The following RAPGEFL1 variants were observed in gnomAD, a reference collection of about 807,000 sequenced individuals.
RAPGEFL1 encodes Rap guanine nucleotide exchange factor like 1.
Under a neutral mutation model 64.4 loss-of-function variants are expected in RAPGEFL1, and 31 were observed. The ratio of observed to expected loss-of-function variants is 0.48; its 90% CI spans 0.36 to 0.65. The LOEUF (loss-of-function observed/expected upper bound fraction) is 0.65. Among genes scored for constraint, RAPGEFL1 ranks in the 30% least tolerant of loss-of-function variants. RAPGEFL1 has a pLI of 0.00. For synonymous variants in RAPGEFL1, 331 were observed against 274.1 expected (o/e 1.21, Z -2.05); for missense variants, 682 against 677.4 (o/e 1.01, Z -0.08).
At chr17:40,189,098 CCTT>C in intron 5 of RAPGEFL1, 107 bp from the exon 6 acceptor site, 1 of 1,470,354 alleles carries the variant, frequency 6.8e-7, no homozygotes, top group Non-Finnish European at 9.5e-7. Context: ...TTTCACAGGA[CCTT>C]CTTCAGAGGC....
intron 4 of RAPGEFL1, 141 bp downstream of exon 4, chr17:40,184,819 G>T (rs1432775212): frequency 2.1e-5 from 13 of 610,132 alleles, no homozygotes; most frequent in Non-Finnish European, 3.2e-5. Context: ...TCACTTTGTC[G>T]CCTAGGCTGG....
At chr17:40,183,470 G>A (rs944763455) in intron 2 of RAPGEFL1, among the ~76,000 whole-genome samples, 11 of 151,288 alleles carry the variant, frequency 7.3e-5, no homozygotes, top group African/African-American at 2.7e-4. Flanking sequence ...CAAATCTAGA[G>A]AATACTTGGG....
chr17:40,192,935 T>C lies in RAPGEFL1; in HGVS notation c.1754T>C (p.Phe585Ser). The C allele has an allele frequency of 6.2e-7, 1 of 1,613,540 alleles. No individual in the cohort carries two copies. The highest frequency in any genetic ancestry group is 2.2e-5 in the East Asian group (1 of 44,874). ...TCTCCACATCCCCTAGACCTGACTT[T>C]CCTGCACGAAGGGAGTAAGACCCTT... ...FVPLILKDLTFLHEGSKTLVD... is the reference protein window; with the variant it reads ...FVPLILKDLTSLHEGSKTLVD... The change falls in exon 13 of 15, where the codon TTC becomes TCC. Residue 585 changes from phenylalanine to serine, a missense_variant. By Grantham distance (155) the Phe-to-Ser change is radical. Coordinates refer to ENST00000620260, the MANE Select transcript of RAPGEFL1 (RefSeq NM_016339.6).
rs148061505 is a variant in RAPGEFL1, at chr17:40,188,834, G to T, written c.834-32G>T. 2,017 of 1,572,442 alleles carry T rather than the reference G, an allele frequency of 1.3e-3. 2 individuals are homozygous for T. The highest frequency in any genetic ancestry group is 1.5e-3 in the Non-Finnish European group (1,769 of 1,142,392). ...TGTTGGTTGTCCATATGCCTGGCAG[G>T]GCGTGCTGATGCCCAGCTGTGTCCA... On this transcript the variant is annotated intron_variant, in intron 4 of 14. Coordinates refer to ENST00000620260, the MANE Select transcript of RAPGEFL1 (RefSeq NM_016339.6).
chr17:40,189,118 C>T, intron 5 of RAPGEFL1, 90 bp from the exon 6 acceptor site: 10 of 1,504,358 alleles, frequency 6.6e-6, no homozygotes, highest in Non-Finnish European at 9.2e-6. Context: ...AGGCCAGCCT[C>T]TGGTGGGGAA....
Position 40,177,900 on chromosome 17 carries a change from G to T in RAPGEFL1, c.39G>T (p.Ser13=), listed in dbSNP as rs1989764710. The T allele has an allele frequency of 9.4e-6, 4 of 425,034 alleles. No homozygotes were observed. Among genetic ancestry groups the T allele is most frequent in the Non-Finnish European group, 1.3e-5 (3 of 239,414 alleles). 26.3% of individuals were successfully genotyped at this position (425,034 alleles called of 1,614,324 possible). ...PLEKFLKKQT[S]QLAGRTVAGG... ...AGAAATTTCTGAAGAAGCAGACGTC[G>T]CAGCTGGCGGGCCGAACGGTGGCGG... The change falls in exon 1 of 15, where the codon TCG becomes TCT. Residue 13 remains serine (S), a synonymous_variant. Coordinates refer to ENST00000620260, the MANE Select transcript of RAPGEFL1 (RefSeq NM_016339.6).
Position 40,178,220 on chromosome 17 carries a change from T to G in RAPGEFL1, c.359T>G (p.Leu120Arg). The change falls in exon 1 of 15, where the codon CTG (leucine) becomes CGG (arginine). Residue 120 changes from leucine (L) to arginine (R), a missense_variant. Transcript: ENST00000620260. ...GGGCCTCTCGGGGGAGGGGGGCCCCTGCGCTCCCCTTCCTCCTACTCATCT... is the reference window on the plus strand; with the variant it reads ...GGGCCTCTCGGGGGAGGGGGGCCCCGGCGCTCCCCTTCCTCCTACTCATCT... ...GPGPLGGGGP[L>R]RSPSSYSSDE... is the part of the protein sequence containing the mutation. 1.7e-6 allele frequency: 1 copy of G among 590,578 alleles called. No individual in the cohort carries two copies. The allele number at this position is 590,578 out of a possible 1,614,324, so 36.6% of individuals were successfully genotyped here.
rs949021008 is a variant in RAPGEFL1 at position 40,191,957 on chromosome 17, T to C, written c.1606-256T>C. Reference sequence around the variant, plus strand: ...GAGTTGGGCTGATTTTCATCCACACTCAGTGGGGGCATCTTTATACAAAGC... The same window carrying C: ...GAGTTGGGCTGATTTTCATCCACACCCAGTGGGGGCATCTTTATACAAAGC... On this transcript the variant is annotated intron_variant, in intron 10 of 14. Coordinates refer to ENST00000620260, the MANE Select transcript of RAPGEFL1 (RefSeq NM_016339.6). The surrounding 1 kb of genome is among the most constrained non-coding windows in gnomAD (Gnocchi z 5.1). 1.3e-5 allele frequency among the ~76,000 whole-genome samples: 2 copies of C among 152,144 alleles called. No homozygotes were observed. Among genetic ancestry groups the C allele is most frequent in the African/African-American group, 4.8e-5 (2 of 41,442 alleles).
intron 1 of RAPGEFL1, among the ~76,000 whole-genome samples, chr17:40,180,363 C>T (rs1470098837): frequency 1.6e-4 from 24 of 152,044 alleles, no homozygotes; most frequent in Admixed American, 1.6e-3. Flanking sequence ...CCTGGATCCC[C>T]AGAGTAACTA....
chr17:40,177,145 C>T (rs1989732301), upstream of RAPGEFL1: 1 of 702,498 alleles, frequency 1.4e-6, no homozygotes, highest in Non-Finnish European at 2.6e-6. Context: ...AAGGTGCACA[C>T]TCTTGGGTTC....
rs1431154647 is a variant in RAPGEFL1, at chr17:40,178,144, C to G, written c.283C>G (p.Pro95Ala). 2 of 557,194 alleles carry G rather than the reference C, an allele frequency of 3.6e-6. No individual in the cohort carries two copies. The highest frequency in any genetic ancestry group is 6.3e-6 in the Non-Finnish European group (2 of 315,070). The allele number at this position is 557,194 out of a possible 1,614,324, so 34.5% of individuals were successfully genotyped here. The part of the protein sequence containing the change: ...GGEPAGVAEE[P>A]GSGGPCWLQL... The stretch of plus-strand genomic sequence containing the variant: ...AGAGCCGGCGGGGGTCGCGGAGGAG[C>G]CGGGCAGCGGGGGGCCCTGCTGGCT... Residue 95 changes from proline (P) to alanine (A), a missense_variant, in exon 1 of 15, where the codon CCG becomes GCG. Physicochemically the swap from Pro to Ala is conservative, Grantham distance 27. This residue lies in a region of RAPGEFL1 where 271 missense variants were observed against 158.0 expected (regional missense o/e 1.72). Coordinates refer to ENST00000620260, the MANE Select transcript of RAPGEFL1 (RefSeq NM_016339.6).
chr17:40,184,066 ACTCCTGACC>A (rs1989983204), intron 2 of RAPGEFL1, 139 bp from the exon 3 acceptor site: 1 of 714,232 alleles, frequency 1.4e-6, no homozygotes, highest in African/African-American at 1.8e-5. Context: ...CTGGTCTCGA[ACTCCTGACC>A]TCAGGTGATC....
intron 2 of RAPGEFL1, 29 bp from the exon 3 acceptor site, chr17:40,184,185 G>A (rs890978786): frequency 5.3e-6 from 8 of 1,502,684 alleles, no homozygotes; most frequent in South Asian, 3.4e-5. Flanking sequence ...GTCTGCTTGC[G>A]TAGGGATTTT....
upstream of RAPGEFL1, chr17:40,177,199 A>G (rs1392682565): frequency 4.3e-6 from 3 of 702,624 alleles, no homozygotes; most frequent in East Asian, 5.4e-5. Flanking sequence ...AGGTGAGTGA[A>G]GGTGTCCAGG....
intron 4 of RAPGEFL1, among the ~76,000 whole-genome samples, chr17:40,186,244 A>T (rs1310044562): frequency 2.1e-5 from 3 of 145,772 alleles, no homozygotes; most frequent in Non-Finnish European, 3.0e-5. Context: ...ACTGCATTCC[A>T]GCCTGGGTGA....
intron 8 of RAPGEFL1, 70 bp downstream of exon 8, chr17:40,190,832 C>T: frequency 6.3e-7 from 1 of 1,586,760 alleles, no homozygotes; most frequent in South Asian, 1.1e-5. Context: ...ACGGTGTTCG[C>T]AGCACAACGT....
At chr17:40,177,259 C>T (rs1306638223), upstream of RAPGEFL1, 1 of 702,596 alleles carries the variant, frequency 1.4e-6, no homozygotes, top group Non-Finnish European at 2.6e-6. Context: ...CCGGTTATCC[C>T]TTGAGCCAGG....
At chr17:40,182,246 G>C (rs1488664674) in intron 2 of RAPGEFL1, among the ~76,000 whole-genome samples, 1 of 152,174 alleles carries the variant, frequency 6.6e-6, no homozygotes, top group Non-Finnish European at 1.5e-5. Flanking sequence ...CTGCTATGAA[G>C]ATCAGTCTGA....
chr17:40,183,736 G>T (rs1989966442), intron 2 of RAPGEFL1, among the ~76,000 whole-genome samples: 1 of 148,630 alleles, frequency 6.7e-6, no homozygotes. Flanking sequence ...GACCAGGATG[G>T]TCTCAAATTC....
Sources: gnomAD v4.1 joint callset for allele counts (sites outside exome capture counted in the v4.1 genomes callset) on GRCh38, gnomAD v4.1.1 for gene constraint, gnomAD v4.1.1 regional missense constraint, Gnocchi (gnomAD v3.1) non-coding constraint, MANE v1.5 for transcripts, NCBI Gene and HGNC (gene_info 2026-07-23, HGNC 2026-07-21) for gene names.